PELI2: variants seen among roughly 807,000 people sequenced by gnomAD.
The protein encoded by PELI2 is E3 ubiquitin-protein ligase pellino homolog 2.
A neutral mutation model predicts 42.3 loss-of-function variants in PELI2; 23 were observed. The observed-to-expected ratio is 0.54, with a 90% CI of 0.39 to 0.77. The LOEUF (loss-of-function observed/expected upper bound fraction) is 0.77. Among genes scored for constraint, PELI2 ranks in the 30% least tolerant of loss-of-function variants. PELI2 has a pLI of 0.00. For synonymous variants in PELI2, 245 were observed against 212.2 expected, an observed-to-expected ratio of 1.15 and a Z score of -1.34; for missense variants, 463 against 553.2, an observed-to-expected ratio of 0.84 and a Z score of 1.64.
At chr14:56,245,340 T>G (rs1594678474) in intron 2 of PELI2, among the ~76,000 whole-genome samples, 1 of 152,200 alleles carries the variant, frequency 6.6e-6, no homozygotes, top group East Asian at 1.9e-4. Context: ...TCAAGCTAAA[T>G]GTGTCATTGA....
chr14:56,134,781 T>TC (rs1461939140), intron 1 of PELI2, among the ~76,000 whole-genome samples: 5 of 151,884 alleles, frequency 3.3e-5, no homozygotes, highest in Admixed American at 2.6e-4. Flanking sequence ...TAAACTATTT[T>TC]TTTTTTTTTT....
intron 2 of PELI2, among the ~76,000 whole-genome samples, chr14:56,196,693 C>T (rs1419541208): frequency 2.0e-5 from 3 of 152,180 alleles, no homozygotes; most frequent in African/African-American, 4.8e-5. Flanking sequence ...TAATTTTTGC[C>T]GATATGGTGT....
intron 2 of PELI2, among the ~76,000 whole-genome samples, chr14:56,257,365 A>G (rs535400953): frequency 9.2e-5 from 14 of 152,218 alleles, no homozygotes; most frequent in East Asian, 7.7e-4. Flanking sequence ...AATAAAATAA[A>G]ATTAGAGACA....
rs750649700 is a variant in PELI2, at chr14:56,207,943, G to A, written c.207+29479G>A. ...TGACAGGCACGTTGGAGGTTGTCAGGTATTCAGGCTGGGACTCAGAAGGCA... is the reference window on the plus strand; with the variant it reads ...TGACAGGCACGTTGGAGGTTGTCAGATATTCAGGCTGGGACTCAGAAGGCA... On this transcript the variant is annotated intron_variant, in intron 2 of 5. Coordinates refer to ENST00000267460, the MANE Select transcript of PELI2 (RefSeq NM_021255.3). 4.6e-5 allele frequency among the ~76,000 whole-genome samples: 7 copies of A among 152,332 alleles called. No individual in the cohort carries two copies. The South Asian group carries it at 1.2e-3, about 27-fold the overall frequency.
At chr14:56,217,860 A>T (rs1480644092) in intron 2 of PELI2, among the ~76,000 whole-genome samples, 2 of 152,074 alleles carry the variant, frequency 1.3e-5, no homozygotes, top group African/African-American at 2.4e-5. Context: ...CAGCTCGCAG[A>T]TCTGTTAGCA....
At chr14:56,259,292 G>T (rs1185379934) in intron 2 of PELI2, among the ~76,000 whole-genome samples, 1 of 152,096 alleles carries the variant, frequency 6.6e-6, no homozygotes, top group Non-Finnish European at 1.5e-5. Flanking sequence ...AGTACTAGAC[G>T]TGGTAAAAAT....
At chr14:56,169,127 A>G (rs1392342983) in intron 1 of PELI2, among the ~76,000 whole-genome samples, 4 of 152,100 alleles carry the variant, frequency 2.6e-5, no homozygotes. Flanking sequence ...TTGGAGCCAC[A>G]AGCTGTGCAG....
intron 2 of PELI2, among the ~76,000 whole-genome samples, chr14:56,239,922 A>G (rs182295484): frequency 1.3e-5 from 2 of 152,340 alleles, no homozygotes; most frequent in Admixed American, 6.5e-5. Flanking sequence ...GAAGTAGACA[A>G]TAAAAGAAAT....
chr14:56,265,279 AAGAT>A (rs1468517467), intron 2 of PELI2, among the ~76,000 whole-genome samples: 11 of 152,154 alleles, frequency 7.2e-5, no homozygotes, highest in Non-Finnish European at 1.0e-4. Context: ...TATTGGTGTA[AAGAT>A]AGATAAATAG....
In PELI2 at chr14:56,118,635, C is replaced by A; in HGVS notation, c.-26C>A. The A allele has an allele frequency of 7.4e-7, 1 of 1,352,390 alleles. No homozygotes were observed. Among genetic ancestry groups the A allele is most frequent in the South Asian group, 1.7e-5 (1 of 58,806 alleles). The allele number at this position is 1,352,390 out of a possible 1,614,324, so 83.8% of individuals were successfully genotyped here. Reference sequence around the variant, plus strand: ...GCGGCGGAGGCGGCGGCGTCGGCGGCGGCGTCGGCGGCCGAGCGGGGCTCC... The same window carrying A: ...GCGGCGGAGGCGGCGGCGTCGGCGGAGGCGTCGGCGGCCGAGCGGGGCTCC... On this transcript the variant is annotated 5_prime_UTR_variant, in exon 1 of 6. Transcript: ENST00000267460.
rs144375587 is a variant in PELI2 at position 56,230,744 on chromosome 14, G to A, written c.208-48932G>A. Among the ~76,000 whole-genome samples the A allele has an allele frequency of 6.3e-3, 965 of 152,240 alleles. 11 individuals are homozygous for A. The highest frequency in any genetic ancestry group is 0.022 in the African/African-American group (901 of 41,544). ...CACAATGACAGGATCAAATTCACAC[G>A]TAACAATATTAATGTTAAATGTAAA... On this transcript the variant is annotated intron_variant, in intron 2 of 5. Coordinates refer to ENST00000267460, the MANE Select transcript of PELI2 (RefSeq NM_021255.3).
chr14:56,121,964 A>G (rs192742598), intron 1 of PELI2, among the ~76,000 whole-genome samples: 12 of 152,340 alleles, frequency 7.9e-5, no homozygotes, highest in East Asian at 1.9e-4. Context: ...AGTTGTAATG[A>G]TATACATCTG....
At chr14:56,233,336 G>A (rs1030472361) in intron 2 of PELI2, among the ~76,000 whole-genome samples, 5 of 152,222 alleles carry the variant, frequency 3.3e-5, no homozygotes, top group South Asian at 2.1e-4. Flanking sequence ...GAGGCATCAA[G>A]CTACCTAACT....
intron 2 of PELI2, among the ~76,000 whole-genome samples, chr14:56,274,487 T>A (rs1889220200): frequency 6.6e-6 from 1 of 152,244 alleles, no homozygotes. Flanking sequence ...CATTAAGACA[T>A]GTTACCCATT....
intron 1 of PELI2, among the ~76,000 whole-genome samples, chr14:56,132,783 C>T (rs944019259): frequency 2.0e-5 from 3 of 152,152 alleles, no homozygotes; most frequent in Non-Finnish European, 4.4e-5. Context: ...CCATAAATCA[C>T]GCCCTCTTTG....
At chr14:56,121,302 C>T (rs545212924) in intron 1 of PELI2, among the ~76,000 whole-genome samples, 1 of 150,768 alleles carries the variant, frequency 6.6e-6, no homozygotes, top group South Asian at 2.1e-4. Context: ...CATAGTGAAA[C>T]ATTACTAGGA....
chr14:56,276,478 C>T (rs540452387), intron 2 of PELI2, among the ~76,000 whole-genome samples: 7 of 152,262 alleles, frequency 4.6e-5, no homozygotes, highest in East Asian at 1.9e-4. Flanking sequence ...ACCAGTACTC[C>T]GGGCCTTTGT....
At chr14:56,272,497 C>T (rs544428221) in intron 2 of PELI2, among the ~76,000 whole-genome samples, 2 of 152,320 alleles carry the variant, frequency 1.3e-5, no homozygotes, top group African/African-American at 4.8e-5. Flanking sequence ...AAAGCAGCCT[C>T]ATAGTTTCTA....
chr14:56,273,591 GCATTTGA>G lies in PELI2; in HGVS notation c.208-6084_208-6078del, dbSNP rs1296444927. ...AAAGTGAAATGTTACACATTGTTTT[GCATTTGA>G]TTTTTGCCTTAATACAGTGAAATCA... On this transcript the variant is annotated intron_variant, in intron 2 of 5. Coordinates refer to ENST00000267460, the MANE Select transcript of PELI2 (RefSeq NM_021255.3). The surrounding 1 kb of genome is among the most constrained non-coding windows in gnomAD (Gnocchi z 4.3). Among the ~76,000 whole-genome samples, 2 of 152,154 alleles carry G rather than the reference GCATTTGA, an allele frequency of 1.3e-5. No homozygotes were observed. Among genetic ancestry groups the G allele is most frequent in the East Asian group, 3.8e-4 (2 of 5,202 alleles).
Sources: gnomAD v4.1 joint callset for allele counts (sites outside exome capture counted in the v4.1 genomes callset) on GRCh38, gnomAD v4.1.1 for gene constraint, Gnocchi (gnomAD v3.1) non-coding constraint, MANE v1.5 for transcripts, NCBI Gene and HGNC (gene_info 2026-07-23, HGNC 2026-07-21) for gene names.